Variants in ZNF98 observed in about 807,000 individuals in gnomAD.
ZNF98 encodes the protein zinc finger protein 98.
Under a neutral mutation model 12.8 loss-of-function variants are expected in ZNF98, and 8 were observed. That is an observed-to-expected ratio of 0.63 (90% CI 0.37 to 1.13). The LOEUF is 1.13. ZNF98 is among the 50% of genes most tolerant of loss of function. The pLI, the probability that ZNF98 is intolerant of heterozygous loss-of-function variation, is 0.01. For missense variants in ZNF98, 379 were observed against 666.1 expected, an observed-to-expected ratio of 0.57 and a Z score of 4.74; for synonymous variants, 112 against 223.5, an observed-to-expected ratio of 0.50 and a Z score of 4.45.
Position 22,391,379 on chromosome 19 carries a change from C to A in ZNF98, c.*137G>T. The A allele has an allele frequency of 2.7e-6, 4 of 1,454,762 alleles. No individual in the cohort carries two copies. In the South Asian group the frequency reaches 6.0e-5, roughly 22 times the overall value. The allele number at this position is 1,454,762 out of a possible 1,614,324, so 90.1% of individuals were successfully genotyped here. On this transcript the variant is annotated 3_prime_UTR_variant, in exon 4 of 4. Transcript: ENST00000357774. ...TGTTCTCATCAAGTATAAAGGCTTT[C>A]CTGTGCAATAAGGTTTGAGCATTGT...
chr19:22,408,382 C>A lies in ZNF98; in HGVS notation c.31-4870G>T, dbSNP rs957860773. On this transcript the variant is annotated intron_variant, in intron 1 of 3. Coordinates refer to ENST00000357774, the MANE Select transcript of ZNF98 (RefSeq NM_001098626.2). ...TGGAAGCATTCTCTGAAAACCAGTA[C>A]AAGACAAGGATGCCCTTTCTCACCA... Among the ~76,000 whole-genome samples the A allele has an allele frequency of 9.2e-5, 14 of 152,042 alleles. 1 individual carries two copies. The highest frequency in any genetic ancestry group is 2.1e-4 in the South Asian group (1 of 4,814).
intron 1 of ZNF98, among the ~76,000 whole-genome samples, chr19:22,418,042 C>G (rs563354434): frequency 6.6e-6 from 1 of 152,068 alleles, no homozygotes; most frequent in Non-Finnish European, 1.5e-5. Flanking sequence ...TTTTCTTGTA[C>G]CAAATCTGTA....
intron 1 of ZNF98, 81 bp downstream of exon 1, chr19:22,422,114 C>T (rs1300683642): frequency 3.8e-6 from 6 of 1,572,374 alleles, no homozygotes; most frequent in Non-Finnish European, 5.2e-6. Context: ...GCGGGGAGGC[C>T]TGAGTCCCGC....
At chr19:22,409,735 G>C (rs140173252) in intron 1 of ZNF98, among the ~76,000 whole-genome samples, 1 of 151,794 alleles carries the variant, frequency 6.6e-6, no homozygotes, top group African/African-American at 2.4e-5. Flanking sequence ...AATATGGTGA[G>C]ACCCCGCCTC....
At chr19:22,399,261 T>C (rs567072896) in intron 3 of ZNF98, among the ~76,000 whole-genome samples, 3 of 152,308 alleles carry the variant, frequency 2.0e-5, no homozygotes, top group African/African-American at 7.2e-5. Context: ...TTTTGAATCA[T>C]TGGCATGCAC....
At position 22,392,594 on chromosome 19, in the gene ZNF98, T is replaced by G; in HGVS notation, c.641A>C (p.Glu214Ala). Residue 214 changes from glutamate (E) to alanine (A), a missense_variant, in exon 4 of 4, where the codon GAA becomes GCA. By Grantham distance (107) the Glu-to-Ala change is moderately radical. Transcript: ENST00000357774. ...GGCCTCATTATAGGCTTTCCCACAT[T>G]CTTTACATTTGTAGGGTTTCTCTCC... ...HSGEKPYKCK[E>A]CGKAYNEASN... 1 of 1,609,786 alleles carries G rather than the reference T, an allele frequency of 6.2e-7. No homozygotes were observed. The highest frequency in any genetic ancestry group is 1.1e-5 in the South Asian group (1 of 90,714).
intron 3 of ZNF98, among the ~76,000 whole-genome samples, chr19:22,396,223 G>A (rs1216105340): frequency 1.3e-5 from 2 of 152,108 alleles, no homozygotes; most frequent in East Asian, 1.9e-4. Context: ...AATATACAAT[G>A]TAAAAACATA....
At chr19:22,412,827 A>T (rs897768285) in intron 1 of ZNF98, among the ~76,000 whole-genome samples, 12 of 151,536 alleles carry the variant, frequency 7.9e-5, no homozygotes, top group Non-Finnish European at 1.2e-4. Flanking sequence ...CCGAGGCGGG[A>T]GTATCACGAG....
intron 3 of ZNF98, among the ~76,000 whole-genome samples, chr19:22,401,103 T>TAA (rs201737545): frequency 0.072 from 7,549 of 104,494 alleles, 691 homozygotes; most frequent in African/African-American, 0.23. Context: ...GTGGAATAAG[T>TAA]AAAAAAAAAA....
At chr19:22,415,996 T>C (rs1969638189) in intron 1 of ZNF98, among the ~76,000 whole-genome samples, 1 of 87,116 alleles carries the variant, frequency 1.1e-5, no homozygotes, top group Non-Finnish European at 2.3e-5. Flanking sequence ...CACACACACT[T>C]AGCTGGGCGT....
chr19:22,403,266 AAAAAC>A, intron 2 of ZNF98, 115 bp downstream of exon 2: 2 of 1,290,928 alleles, frequency 1.5e-6, no homozygotes, highest in Admixed American at 2.8e-5. Flanking sequence ...GTTAAAAAAA[AAAAAC>A]AAAAAAAAAA....
chr19:22,421,927 C>A (rs11669179), intron 1 of ZNF98, among the ~76,000 whole-genome samples: 1 of 152,000 alleles, frequency 6.6e-6, no homozygotes, highest in Non-Finnish European at 1.5e-5. Context: ...GGGAGAGACG[C>A]GGCACTGCGC....
intron 1 of ZNF98, among the ~76,000 whole-genome samples, chr19:22,421,611 A>C (rs987512164): frequency 6.6e-6 from 1 of 152,218 alleles, no homozygotes; most frequent in African/African-American, 2.4e-5. Flanking sequence ...AGTGAAAATT[A>C]AGAAACTACG....
intron 1 of ZNF98, among the ~76,000 whole-genome samples, chr19:22,404,692 T>C (rs751170958): frequency 2.0e-5 from 3 of 152,228 alleles, no homozygotes; most frequent in African/African-American, 7.2e-5. Context: ...TAAAGAAACA[T>C]TGGTTTTATG....
chr19:22,409,538 C>G (rs1248790640), intron 1 of ZNF98, among the ~76,000 whole-genome samples: 2 of 151,920 alleles, frequency 1.3e-5, no homozygotes, highest in Non-Finnish European at 1.5e-5. Context: ...TGCAATCTAC[C>G]CATCTCACAA....
rs1374955911 is a variant in ZNF98, at chr19:22,392,854, T to A, written c.381A>T (p.Lys127Asn). 6 of 1,610,364 alleles carry A rather than the reference T, an allele frequency of 3.7e-6. No individual in the cohort carries two copies. The highest frequency in any genetic ancestry group is 5.1e-6 in the Non-Finnish European group (6 of 1,178,968). ...TGTGCACCTTACACTCATCCATGCT[T>A]TTACAGTATTTTCTTAACTGTAAAT... ...RENLQLRKYC[K>N]SMDECKVHKE... Residue 127 changes from lysine (K) to asparagine (N), a missense_variant, in exon 4 of 4, where the codon AAA (lysine) becomes AAT (asparagine). Physicochemically the swap from Lys to Asn is moderately conservative, Grantham distance 94 (BLOSUM62 0). Coordinates refer to ENST00000357774, the MANE Select transcript of ZNF98 (RefSeq NM_001098626.2).
Position 22,419,847 on chromosome 19 carries a change from G to A in ZNF98, c.30+2348C>T, listed in dbSNP as rs545114305. ...ATATTCACTGTCACAAATTTACCCTGCAATAAAATGAAGTGATATTAGATG... is the reference window on the plus strand; with the variant it reads ...ATATTCACTGTCACAAATTTACCCTACAATAAAATGAAGTGATATTAGATG... On this transcript the variant is annotated intron_variant, in intron 1 of 3. Transcript: ENST00000357774. 7.9e-5 allele frequency among the ~76,000 whole-genome samples: 12 copies of A among 152,146 alleles called. No individual in the cohort carries two copies. In the South Asian group the frequency reaches 2.3e-3, roughly 29 times the overall value.
At chr19:22,413,155 T>C (rs1163808408) in intron 1 of ZNF98, among the ~76,000 whole-genome samples, 2 of 152,126 alleles carry the variant, frequency 1.3e-5, no homozygotes, top group South Asian at 2.1e-4. Flanking sequence ...CCTGGAATCA[T>C]TTTTCTTTGA....
chr19:22,406,816 CA>C (rs71180545), intron 1 of ZNF98, among the ~76,000 whole-genome samples: 64,092 of 144,930 alleles, frequency 0.44, 13,919 homozygotes, highest in Non-Finnish European at 0.47. Flanking sequence ...GACTCCGTCT[CA>C]AAAAAAAAAG....
Sources: allele counts gnomAD v4.1 joint callset (sites outside exome capture counted in the v4.1 genomes callset), GRCh38; gene constraint gnomAD v4.1.1; transcripts MANE v1.5; gene names NCBI Gene and HGNC (gene_info 2026-07-23, HGNC 2026-07-21).